Variants in EPHA3 observed in about 807,000 individuals in gnomAD.
EPHA3 encodes EPH receptor A3.
EPHA3 carries 42 observed loss-of-function variants against 107.1 expected under a neutral mutation model. That is an observed-to-expected ratio of 0.39 (90% CI 0.31 to 0.51). The LOEUF (loss-of-function observed/expected upper bound fraction) is 0.51, where lower values mean the gene tolerates loss of function less well. EPHA3 is among the 20% of genes least tolerant of loss of function. The pLI is 0.78. For synonymous variants in EPHA3, 461 were observed against 424.8 expected, an observed-to-expected ratio of 1.09 and a Z score of -1.05; for missense variants, 1,183 against 1,211.2, an observed-to-expected ratio of 0.98 and a Z score of 0.35.
intron 2 of EPHA3, among the ~76,000 whole-genome samples, chr3:89,191,808 C>A (rs1350933191): frequency 6.6e-6 from 1 of 152,090 alleles, no homozygotes; most frequent in Admixed American, 6.6e-5. Context: ...AAAGTACTAT[C>A]ATCAGACCGG....
At position 89,322,848 on chromosome 3, in the gene EPHA3, A is replaced by G. The variant is rs368351057; in HGVS notation, c.815-18068A>G. Reference sequence around the variant, plus strand: ...CCTGGCATATACACCAAGAACCAAAAGCAAAAATTGCTTTGACTTGTCTAA... The same window carrying G: ...CCTGGCATATACACCAAGAACCAAAGGCAAAAATTGCTTTGACTTGTCTAA... On this transcript the variant is annotated intron_variant, in intron 3 of 16. Coordinates refer to ENST00000336596, the MANE Select transcript of EPHA3 (RefSeq NM_005233.6). Among the ~76,000 whole-genome samples the G allele has an allele frequency of 8.6e-5, 13 of 151,926 alleles. No individual in the cohort carries two copies. In the East Asian group the frequency reaches 2.3e-3, roughly 27 times the overall value.
At chr3:89,414,140 C>T (rs73137384) in intron 10 of EPHA3, among the ~76,000 whole-genome samples, 41,422 of 151,370 alleles carry the variant, frequency 0.27, 6,140 homozygotes, top group African/African-American at 0.37. Flanking sequence ...ACCGTATTTA[C>T]ATATTTATGA....
intron 5 of EPHA3, among the ~76,000 whole-genome samples, chr3:89,342,331 T>G (rs1707548254): frequency 6.6e-6 from 1 of 152,272 alleles, no homozygotes; most frequent in East Asian, 1.9e-4. Flanking sequence ...TTTGAAATCC[T>G]TAAATATTTG....
intron 11 of EPHA3, among the ~76,000 whole-genome samples, chr3:89,424,756 G>A (rs889329043): frequency 6.6e-6 from 1 of 151,336 alleles, no homozygotes; most frequent in Non-Finnish European, 1.5e-5. Flanking sequence ...TCCACTTACT[G>A]TATGCCTTAC....
At position 89,342,106 on chromosome 3, in the gene EPHA3, A is replaced by T; in HGVS notation, c.1306+16A>T. ...AATCAGGCTGGTGAGTACATACTAG[A>T]TGCTTCTTACTCTTATCATATCACG... On this transcript the variant is annotated intron_variant, in intron 5 of 16. Coordinates refer to ENST00000336596, the MANE Select transcript of EPHA3 (RefSeq NM_005233.6). The T allele has an allele frequency of 1.3e-6, 2 of 1,591,678 alleles. No individual in the cohort carries two copies. The highest frequency in any genetic ancestry group is 1.7e-6 in the Non-Finnish European group (2 of 1,166,866).
chr3:89,169,974 C>G (rs9883005), intron 2 of EPHA3, among the ~76,000 whole-genome samples: 3 of 151,840 alleles, frequency 2.0e-5, no homozygotes, highest in Admixed American at 2.0e-4. Flanking sequence ...CTCGGCGGGG[C>G]GCGGTGACTC....
At chr3:89,157,767 T>TA (rs1469262108) in intron 2 of EPHA3, among the ~76,000 whole-genome samples, 1 of 149,606 alleles carries the variant, frequency 6.7e-6, no homozygotes, top group African/African-American at 2.5e-5. Context: ...CAGCAGTAAG[T>TA]AAAAGAGAAC....
chr3:89,111,350 A>C (rs1038830356), intron 1 of EPHA3, among the ~76,000 whole-genome samples: 1 of 152,120 alleles, frequency 6.6e-6, no homozygotes, highest in Admixed American at 6.5e-5. Flanking sequence ...TTAAAACATT[A>C]ATAGAGAACT....
At chr3:89,147,993 A>G (rs1225410933) in intron 2 of EPHA3, among the ~76,000 whole-genome samples, 1 of 151,912 alleles carries the variant, frequency 6.6e-6, no homozygotes, top group Non-Finnish European at 1.5e-5. Flanking sequence ...AGAGTAAAAC[A>G]CCATGAGAAA....
intron 2 of EPHA3, among the ~76,000 whole-genome samples, chr3:89,208,844 C>T (rs1298949640): frequency 6.6e-6 from 1 of 152,074 alleles, no homozygotes; most frequent in African/African-American, 2.4e-5. Flanking sequence ...GCGTAAGTAA[C>T]AGAGATCCCT....
chr3:89,343,908 T>C (rs1707587279), intron 5 of EPHA3, among the ~76,000 whole-genome samples: 1 of 152,290 alleles, frequency 6.6e-6, no homozygotes, highest in East Asian at 1.9e-4. Context: ...TATTTAAAAG[T>C]TTATAACTTA....
intron 3 of EPHA3, among the ~76,000 whole-genome samples, chr3:89,317,362 G>A (rs1159849254): frequency 2.0e-5 from 3 of 151,858 alleles, no homozygotes; most frequent in Non-Finnish European, 4.4e-5. Context: ...TTTCAGATCT[G>A]GATGTGTTTA....
chr3:89,242,371 C>G (rs1199588520), intron 3 of EPHA3, among the ~76,000 whole-genome samples: 1 of 152,148 alleles, frequency 6.6e-6, no homozygotes, highest in African/African-American at 2.4e-5. Flanking sequence ...AATACAATGT[C>G]CAAGTGTGCA....
At chr3:89,428,609 T>C (rs1422061196) in intron 11 of EPHA3, among the ~76,000 whole-genome samples, 1 of 151,970 alleles carries the variant, frequency 6.6e-6, no homozygotes, top group African/African-American at 2.4e-5. Context: ...GTAGAATCCA[T>C]AAAGGCAGAA....
intron 3 of EPHA3, among the ~76,000 whole-genome samples, chr3:89,237,324 T>A (rs1316032352): frequency 1.3e-5 from 2 of 152,236 alleles, no homozygotes; most frequent in African/African-American, 2.4e-5. Context: ...TGAGCCGAGA[T>A]GGTGCCACTG....
intron 2 of EPHA3, among the ~76,000 whole-genome samples, chr3:89,185,336 G>C (rs1195680511): frequency 2.0e-5 from 3 of 151,952 alleles, no homozygotes; most frequent in Non-Finnish European, 2.9e-5. Context: ...TGAACTCTCT[G>C]GTGGGTACTC....
chr3:89,252,868 A>C, intron 3 of EPHA3, among the ~76,000 whole-genome samples: 1 of 149,554 alleles, frequency 6.7e-6, no homozygotes, highest in Non-Finnish European at 1.5e-5. Flanking sequence ...ATTATACTTA[A>C]TATAATATAT....
chr3:89,170,940 A>AT (rs35361512), intron 2 of EPHA3, among the ~76,000 whole-genome samples: 42,515 of 146,862 alleles, frequency 0.29, 6,639 homozygotes, highest in African/African-American at 0.42. Context: ...CTTTAAAACC[A>AT]TTTTTTTTTT....
chr3:89,371,757 A>G (rs539267479), intron 5 of EPHA3, among the ~76,000 whole-genome samples: 4 of 151,544 alleles, frequency 2.6e-5, no homozygotes, highest in Non-Finnish European at 5.9e-5. Context: ...ACACACACAT[A>G]TGTGTATGAC....
Sources: allele counts gnomAD v4.1 joint callset (sites outside exome capture counted in the v4.1 genomes callset), GRCh38; gene constraint gnomAD v4.1.1; transcripts MANE v1.5; gene names NCBI Gene and HGNC (gene_info 2026-07-23, HGNC 2026-07-21).